UBE3A: variants seen among roughly 807,000 people sequenced by gnomAD.
UBE3A encodes ubiquitin protein ligase E3A, also known as ubiquitin-protein ligase E3A.
In UBE3A, 6 loss-of-function variants were observed where a neutral mutation model predicts 83.4. The observed-to-expected ratio is 0.07, with a 90% CI of 0.04 to 0.14. The LOEUF (loss-of-function observed/expected upper bound fraction) is 0.14, where lower values mean the gene tolerates loss of function less well. UBE3A is among the 10% of genes least tolerant of loss of function. UBE3A has a pLI of 1.00. For missense variants in UBE3A, 456 were observed against 1,036.1 expected, an observed-to-expected ratio of 0.44 and a Z score of 7.69; for synonymous variants, 337 against 355.4, an observed-to-expected ratio of 0.95 and a Z score of 0.58.
At chr15:25,380,986 G>T (rs2082077168) in intron 4 of UBE3A, among the ~76,000 whole-genome samples, 1 of 152,144 alleles carries the variant, frequency 6.6e-6, no homozygotes, top group African/African-American at 2.4e-5. Flanking sequence ...AGTCATACTT[G>T]GAAGATCAGA....
chr15:25,398,771 TTATATATATATATATA>T (rs1159969391), intron 4 of UBE3A, among the ~76,000 whole-genome samples: 12,086 of 68,950 alleles, frequency 0.18, 1,357 homozygotes, highest in Middle Eastern at 0.31. Context: ...ATTCTTTTAT[TTATATATATATATATA>T]TATATATATA....
At chr15:25,354,014 G>A (rs1012501750) in intron 11 of UBE3A, 1 of 358,868 alleles carries the variant, frequency 2.8e-6, no homozygotes, top group Non-Finnish European at 5.2e-6. Flanking sequence ...CAAATGCAGA[G>A]TTCAAAAGAA....
At chr15:25,379,732 T>C (rs2081859933) in intron 4 of UBE3A, among the ~76,000 whole-genome samples, 1 of 152,176 alleles carries the variant, frequency 6.6e-6, no homozygotes, top group Admixed American at 6.5e-5. Context: ...CCTTGTACCA[T>C]ATGGGTCACC....
intron 6 of UBE3A, among the ~76,000 whole-genome samples, chr15:25,364,727 CCCG>C (rs1189419918): frequency 6.7e-6 from 1 of 150,302 alleles, no homozygotes; most frequent in African/African-American, 2.5e-5. Flanking sequence ...CACTGCAAGC[CCCG>C]CCTCCCAGGT....
intron 4 of UBE3A, among the ~76,000 whole-genome samples, chr15:25,400,583 A>G (rs1463097127): frequency 2.0e-5 from 3 of 152,158 alleles, no homozygotes; most frequent in African/African-American, 7.2e-5. Flanking sequence ...TATACATGGA[A>G]TTGTCTTCTT....
At chr15:25,405,554 A>T (rs781104195) in intron 3 of UBE3A, 52 bp from the exon 4 acceptor site, 1 of 1,592,398 alleles carries the variant, frequency 6.3e-7, no homozygotes, top group Admixed American at 1.7e-5. Context: ...ATTCCAAAAA[A>T]AAAGGTAGAC....
intron 1 of UBE3A, among the ~76,000 whole-genome samples, chr15:25,436,744 T>TA (rs1313272395): frequency 6.6e-6 from 1 of 152,170 alleles, no homozygotes; most frequent in African/African-American, 2.4e-5. Context: ...CTTAGGAAGT[T>TA]ATTTTTTCAG....
chr15:25,390,231 G>C (rs915926726), intron 4 of UBE3A, among the ~76,000 whole-genome samples: 1 of 152,220 alleles, frequency 6.6e-6, no homozygotes, highest in African/African-American at 2.4e-5. Context: ...TTAGAAGACA[G>C]TTTGGATGTT....
intron 1 of UBE3A, among the ~76,000 whole-genome samples, chr15:25,421,333 G>A (rs1042456692): frequency 2.0e-5 from 3 of 152,194 alleles, no homozygotes; most frequent in Admixed American, 2.0e-4. Flanking sequence ...TGCTTGTACA[G>A]CCTGCAGCAC....
intron 4 of UBE3A, among the ~76,000 whole-genome samples, chr15:25,387,171 G>A (rs919881730): frequency 6.6e-6 from 1 of 152,112 alleles, no homozygotes; most frequent in Admixed American, 6.6e-5. Flanking sequence ...AAATTTGTGG[G>A]ATACAGTGAA....
chr15:25,428,002 C>G (rs986452349), intron 1 of UBE3A, among the ~76,000 whole-genome samples: 4 of 152,118 alleles, frequency 2.6e-5, no homozygotes, highest in African/African-American at 9.7e-5. Flanking sequence ...ACAAATACCA[C>G]ATGTTCTCAC....
chr15:25,381,361 G>A (rs1024811054), intron 4 of UBE3A, among the ~76,000 whole-genome samples: 7 of 152,228 alleles, frequency 4.6e-5, no homozygotes, highest in African/African-American at 1.2e-4. Context: ...CTGCCAGAAA[G>A]TGAAGATGTG....
chr15:25,407,792 T>A (rs907306922), intron 3 of UBE3A: 43 of 152,192 alleles, frequency 2.8e-4, no homozygotes, highest in African/African-American at 1.0e-3. Flanking sequence ...AAGAGAAAAA[T>A]GAATATATGC....
At chr15:25,377,137 T>C (rs1321253996) in intron 4 of UBE3A, among the ~76,000 whole-genome samples, 2 of 152,186 alleles carry the variant, frequency 1.3e-5, no homozygotes, top group Non-Finnish European at 2.9e-5. Context: ...AGATGACCAA[T>C]GCCAGAGTTT....
At chr15:25,430,686 T>C (rs187304190) in intron 1 of UBE3A, among the ~76,000 whole-genome samples, 3 of 152,116 alleles carry the variant, frequency 2.0e-5, no homozygotes, top group Admixed American at 1.3e-4. Context: ...ATCCAGCAGT[T>C]ACAAGTGCCT....
intron 1 of UBE3A, among the ~76,000 whole-genome samples, chr15:25,434,697 C>T (rs1465630873): frequency 6.6e-6 from 1 of 152,140 alleles, no homozygotes; most frequent in Non-Finnish European, 1.5e-5. Context: ...AAAGGTAGGA[C>T]AGAACATGTG....
At chr15:25,348,648 T>C (rs2076065588) in intron 11 of UBE3A, among the ~76,000 whole-genome samples, 2 of 152,196 alleles carry the variant, frequency 1.3e-5, no homozygotes, top group East Asian at 1.9e-4. Context: ...GATCAATATA[T>C]AAAAATCGAT....
intron 3 of UBE3A, chr15:25,405,737 T>C: frequency 1.8e-6 from 1 of 551,536 alleles, no homozygotes; most frequent in Non-Finnish European, 3.2e-6. Flanking sequence ...AAGGAAACTG[T>C]AAACGCTATA....
chr15:25,357,916 T>C (rs1029895392), intron 7 of UBE3A, among the ~76,000 whole-genome samples: 4 of 147,382 alleles, frequency 2.7e-5, no homozygotes. Context: ...TTTTTTTTTT[T>C]TTTTTTTTGA....
Sources: allele counts gnomAD v4.1 joint callset (sites outside exome capture counted in the v4.1 genomes callset), GRCh38; gene constraint gnomAD v4.1.1; transcripts MANE v1.5; gene names NCBI Gene and HGNC (gene_info 2026-07-23, HGNC 2026-07-21).